The following SPTLC3 variants were observed in gnomAD, a reference collection of about 807,000 sequenced individuals.
SPTLC3 encodes serine palmitoyltransferase 3.
A neutral mutation model predicts 59.3 loss-of-function variants in SPTLC3; 36 were observed. The observed-to-expected ratio is 0.61, with a 90% CI of 0.47 to 0.80. The LOEUF (loss-of-function observed/expected upper bound fraction) is 0.80. Among genes scored for constraint, SPTLC3 ranks in the 30% least tolerant of loss-of-function variants. The pLI, the probability that SPTLC3 is intolerant of heterozygous loss-of-function variation, is 0.00. For missense variants in SPTLC3, 625 were observed against 685.1 expected (o/e 0.91, Z 0.98); for synonymous variants, 257 against 240.8 (o/e 1.07, Z -0.62).
chr20:13,100,116 T>C (rs1989552398), intron 6 of SPTLC3, among the ~76,000 whole-genome samples: 1 of 152,220 alleles, frequency 6.6e-6, no homozygotes, highest in Non-Finnish European at 1.5e-5. Context: ...TCCTTTGTTA[T>C]TTAAGCCAAC....
chr20:13,160,006 T>C lies in SPTLC3; in HGVS notation c.1419T>C (p.Ala473=). The C allele has an allele frequency of 6.2e-7, 1 of 1,605,410 alleles. No individual in the cohort carries two copies. The highest frequency in any genetic ancestry group is 8.5e-7 in the Non-Finnish European group (1 of 1,174,796). Residue 473 remains alanine, a synonymous_variant, in exon 11 of 12, where the codon GCT becomes GCC. Coordinates refer to ENST00000399002, the MANE Select transcript of SPTLC3 (RefSeq NM_018327.4). ...TCTTTTTTTGCTTTTCCTTAAGGGCTTTTGCAAGGCATATGCTAGAGAAAA... is the reference window on the plus strand; with the variant it reads ...TCTTTTTTTGCTTTTCCTTAAGGGCCTTTGCAAGGCATATGCTAGAGAAAA... ...LLLYMPGKVA[A]FARHMLEKKI...
At chr20:13,045,955 GA>G (rs1987213276) in intron 1 of SPTLC3, among the ~76,000 whole-genome samples, 1 of 152,124 alleles carries the variant, frequency 6.6e-6, no homozygotes, top group African/African-American at 2.4e-5. Context: ...AGGAAAGGAA[GA>G]AGAGAAAACC....
chr20:13,097,148 T>G (rs1989445903), intron 6 of SPTLC3, among the ~76,000 whole-genome samples: 1 of 152,112 alleles, frequency 6.6e-6, no homozygotes, highest in South Asian at 2.1e-4. Flanking sequence ...GAAGAGTCTA[T>G]TTCTCCTTGG....
intron 9 of SPTLC3, 129 bp from the exon 10 acceptor site, chr20:13,153,874 C>G (rs2038706793): frequency 8.2e-7 from 1 of 1,224,740 alleles, no homozygotes; most frequent in South Asian, 1.4e-5. Context: ...TATCTCCCTT[C>G]CCTACTTCCT....
chr20:13,061,064 T>G (rs1222678444), intron 2 of SPTLC3, among the ~76,000 whole-genome samples: 1 of 152,202 alleles, frequency 6.6e-6, no homozygotes, highest in Admixed American at 6.5e-5. Flanking sequence ...ACTAATTTAA[T>G]TCCCACCAAC....
intron 6 of SPTLC3, among the ~76,000 whole-genome samples, chr20:13,106,567 A>T (rs1163824727): frequency 1.3e-5 from 2 of 152,200 alleles, no homozygotes; most frequent in Non-Finnish European, 2.9e-5. Context: ...ATGTTGACAA[A>T]CTATGTCAGA....
At chr20:13,062,555 A>C (rs758861041) in intron 2 of SPTLC3, among the ~76,000 whole-genome samples, 11 of 152,352 alleles carry the variant, frequency 7.2e-5, no homozygotes, top group Non-Finnish European at 1.3e-4. Context: ...CCCGAATGAA[A>C]AGCCACTTCT....
chr20:13,117,410 G>T, intron 7 of SPTLC3, 96 bp from the exon 8 acceptor site: 1 of 1,192,152 alleles, frequency 8.4e-7, no homozygotes, highest in Non-Finnish European at 1.2e-6. Flanking sequence ...AATGGCGTGT[G>T]TCAGGGAAGA....
chr20:13,089,561 G>A (rs1327378527), intron 4 of SPTLC3, among the ~76,000 whole-genome samples: 1 of 152,124 alleles, frequency 6.6e-6, no homozygotes, highest in African/African-American at 2.4e-5. Context: ...CACAGCGGGT[G>A]GATTGACTGA....
chr20:13,102,421 G>A (rs1989634937), intron 6 of SPTLC3, among the ~76,000 whole-genome samples: 1 of 152,160 alleles, frequency 6.6e-6, no homozygotes, highest in South Asian at 2.1e-4. Flanking sequence ...TCTATAAAGT[G>A]GTGAAGTGAC....
At chr20:13,153,077 C>A (rs2038686150) in intron 9 of SPTLC3, among the ~76,000 whole-genome samples, 1 of 152,222 alleles carries the variant, frequency 6.6e-6, no homozygotes, top group African/African-American at 2.4e-5. Context: ...AGCAATCCTG[C>A]ATCAAATGCA....
chr20:13,074,164 A>G (rs1417879507), intron 3 of SPTLC3, 185 bp from the exon 4 acceptor site: 5 of 820,784 alleles, frequency 6.1e-6, no homozygotes, highest in Non-Finnish European at 1.1e-5. Flanking sequence ...AGGGAAACCA[A>G]CCTCTAGGAC....
chr20:13,149,313 A>AT, intron 9 of SPTLC3, among the ~76,000 whole-genome samples: 1 of 152,336 alleles, frequency 6.6e-6, no homozygotes, highest in South Asian at 2.1e-4. Context: ...CCATCCTAGC[A>AT]TGGCTGTCCC....
At chr20:13,013,310 G>T (rs1985352928) in intron 1 of SPTLC3, among the ~76,000 whole-genome samples, 1 of 152,210 alleles carries the variant, frequency 6.6e-6, no homozygotes, top group Non-Finnish European at 1.5e-5. Flanking sequence ...GAGAATAAGA[G>T]CAATGACTGA....
intron 9 of SPTLC3, among the ~76,000 whole-genome samples, chr20:13,130,418 T>C (rs2038095455): frequency 6.6e-6 from 1 of 152,232 alleles, no homozygotes; most frequent in Non-Finnish European, 1.5e-5. Flanking sequence ...TGGGGAGCAG[T>C]TGGCCAGATC....
intron 1 of SPTLC3, among the ~76,000 whole-genome samples, chr20:13,014,024 C>T (rs1985392130): frequency 6.6e-6 from 1 of 152,212 alleles, no homozygotes; most frequent in South Asian, 2.1e-4. Flanking sequence ...TCTCATTATT[C>T]TGCAGAGTAG....
chr20:13,065,943 T>G (rs6109680), intron 2 of SPTLC3, among the ~76,000 whole-genome samples: 52,753 of 152,046 alleles, frequency 0.35, 9,942 homozygotes, highest in African/African-American at 0.51. Flanking sequence ...AGGATCTACT[T>G]TCTTATTAAT....
intron 2 of SPTLC3, among the ~76,000 whole-genome samples, chr20:13,065,839 T>C (rs1279581987): frequency 4.7e-5 from 4 of 85,916 alleles, no homozygotes; most frequent in African/African-American, 1.6e-4. Flanking sequence ...TTGATATATA[T>C]ATACATTGTG....
At chr20:13,118,991 TG>T (rs1246797567) in intron 8 of SPTLC3, among the ~76,000 whole-genome samples, 1 of 152,242 alleles carries the variant, frequency 6.6e-6, no homozygotes, top group African/African-American at 2.4e-5. Context: ...CACTGGCCTG[TG>T]GGAATCAGCT....
Sources: gnomAD v4.1 joint callset for allele counts (sites outside exome capture counted in the v4.1 genomes callset) on GRCh38, gnomAD v4.1.1 for gene constraint, MANE v1.5 for transcripts, NCBI Gene and HGNC (gene_info 2026-07-23, HGNC 2026-07-21) for gene names.